The following RBM17 variants were observed in gnomAD, a reference collection of about 807,000 sequenced individuals.
The protein encoded by RBM17 is splicing factor 45.
RBM17 carries 7 observed loss-of-function variants against 53.2 expected under a neutral mutation model. The observed-to-expected ratio is 0.13, with a 90% CI of 0.07 to 0.25. The LOEUF (loss-of-function observed/expected upper bound fraction) is 0.25, where lower values mean the gene tolerates loss of function less well. Among genes scored for constraint, RBM17 ranks in the 10% least tolerant of loss-of-function variants. The pLI, the probability that RBM17 is intolerant of heterozygous loss-of-function variation, is 1.00. For missense variants in RBM17, 257 were observed against 496.7 expected, an observed-to-expected ratio of 0.52 and a Z score of 4.59; for synonymous variants, 167 against 178.1, an observed-to-expected ratio of 0.94 and a Z score of 0.50.
At position 6,093,364 on chromosome 10, in the gene RBM17, C is replaced by T. The variant is rs977191614; in HGVS notation, c.-18-3684C>T. On this transcript the variant is annotated intron_variant, in intron 1 of 11. Transcript: ENST00000379888. Reference sequence around the variant, plus strand: ...GTCTCAGCTGGGACAGGACTACAGGCGTGCAGCACCACACCTGGCTAGTTT... The same window carrying T: ...GTCTCAGCTGGGACAGGACTACAGGTGTGCAGCACCACACCTGGCTAGTTT... Among the ~76,000 whole-genome samples the T allele has an allele frequency of 5.3e-5, 8 of 152,110 alleles. No homozygotes were observed. The East Asian group carries it at 1.2e-3, about 22-fold the overall frequency.
chr10:6,098,556 G>GTTTTTTTTTTTTTTTT lies in RBM17; in HGVS notation c.123+1374_123+1375insTTTTTTTTTTTTTTTT, dbSNP rs1221504658. Among the ~76,000 whole-genome samples, 19 of 87,976 alleles carry GTTTTTTTTTTTTTTTT rather than the reference G, an allele frequency of 2.2e-4. 5 individuals are homozygous for GTTTTTTTTTTTTTTTT. Among genetic ancestry groups the GTTTTTTTTTTTTTTTT allele is most frequent in the African/African-American group, 2.8e-4 (7 of 24,768 alleles). 57.7% of individuals were successfully genotyped at this position (87,976 alleles called of 152,430 possible). On this transcript the variant is annotated intron_variant, in intron 2 of 11. Transcript: ENST00000379888. ...GTTTGAAAATTTCCGTAATACACAGGTTTTTTGTTTTTTTTTTTTTTTTTT... is the reference window on the plus strand; with the variant it reads ...GTTTGAAAATTTCCGTAATACACAGGTTTTTTTTTTTTTTTTTTTTTTGTTTTTTTTTTTTTTTTTT...
intron 5 of RBM17, chr10:6,106,451 A>T (rs1840749386): frequency 2.2e-6 from 1 of 459,304 alleles, no homozygotes; most frequent in Non-Finnish European, 4.0e-6. Context: ...ACCACTTTCT[A>T]ACATTTATTT....
At chr10:6,105,677 A>G (rs777798205) in intron 4 of RBM17, among the ~76,000 whole-genome samples, 1 of 152,194 alleles carries the variant, frequency 6.6e-6, no homozygotes, top group Non-Finnish European at 1.5e-5. Context: ...TGCAGCTTTT[A>G]TTTATGTTTT....
chr10:6,108,829 C>A, intron 6 of RBM17, 87 bp downstream of exon 6: 1 of 1,065,532 alleles, frequency 9.4e-7, no homozygotes, highest in Non-Finnish European at 1.4e-6. Context: ...CCCAGGTTTC[C>A]TGAGCGTAGA....
intron 2 of RBM17, among the ~76,000 whole-genome samples, chr10:6,098,919 C>A (rs548744031): frequency 6.6e-6 from 1 of 151,880 alleles, no homozygotes; most frequent in African/African-American, 2.4e-5. Context: ...TAGATACTTA[C>A]ATGGAAGTGC....
At position 6,105,063 on chromosome 10, in the gene RBM17, C is replaced by A. The variant is rs1386849054; in HGVS notation, c.373C>A (p.Leu125Met). ...AGAGGAACGACAGAGACAGCGGGAG[C>A]TGGAAAGACAAAAGGAAATAGAAGA... ...QREERQRQRE[L>M]ERQKEIEERE... Residue 125 changes from leucine (L) to methionine (M), a missense_variant, in exon 4 of 12, where the codon CTG (leucine) becomes ATG (methionine). By Grantham distance (15) the Leu-to-Met change is conservative. Transcript: ENST00000379888. 1 of 1,613,646 alleles carries A rather than the reference C, an allele frequency of 6.2e-7. No homozygotes were observed. Among genetic ancestry groups the A allele is most frequent in the Admixed American group, 1.7e-5 (1 of 59,990 alleles).
chr10:6,099,629 C>A (rs1184063962), intron 2 of RBM17, among the ~76,000 whole-genome samples: 2 of 151,900 alleles, frequency 1.3e-5, no homozygotes, highest in Admixed American at 1.3e-4. Flanking sequence ...AGTTGTTATA[C>A]CGTATTGGTT....
chr10:6,094,619 T>G (rs1256068603), intron 1 of RBM17, among the ~76,000 whole-genome samples: 1 of 152,220 alleles, frequency 6.6e-6, no homozygotes, highest in African/African-American at 2.4e-5. Flanking sequence ...TCTGAAGAAA[T>G]GTGTTTGGGA....
intron 1 of RBM17, among the ~76,000 whole-genome samples, chr10:6,092,904 G>C (rs4747865): frequency 0.25 from 38,376 of 152,170 alleles, 6,103 homozygotes; most frequent in Middle Eastern, 0.37. Context: ...GATGATTTCT[G>C]AAACTTTTGC....
rs1212328706 is a variant in RBM17, at chr10:6,112,202, C to T, written c.705-8C>T. On this transcript the variant is annotated splice_region_variant and splice_polypyrimidine_tract_variant and intron_variant, in intron 7 of 11. Coordinates refer to ENST00000379888, the MANE Select transcript of RBM17 (RefSeq NM_032905.5). The surrounding 1 kb of genome is among the most constrained non-coding windows in gnomAD (Gnocchi z 4.4). ...GGCTAAGAGTCCTTTCCCTTCTTCT[C>T]CTGCCAGGGGCACGGTGGCGCACAA... is the stretch of plus-strand genomic sequence containing the variant. 4.3e-6 allele frequency: 7 copies of T among 1,610,316 alleles called. No homozygotes were observed. Among genetic ancestry groups the T allele is most frequent in the East Asian group, 4.5e-5 (2 of 44,862 alleles).
intron 7 of RBM17, among the ~76,000 whole-genome samples, chr10:6,111,208 C>G (rs569666789): frequency 6.6e-6 from 1 of 152,222 alleles, no homozygotes; most frequent in Non-Finnish European, 1.5e-5. Context: ...CAGCAGTGGT[C>G]ATGGGGTTGG....
chr10:6,104,717 C>G (rs1259927257), intron 3 of RBM17, among the ~76,000 whole-genome samples: 1 of 152,126 alleles, frequency 6.6e-6, no homozygotes. Context: ...AGAAATAGTA[C>G]TAATCTAAGA....
intron 5 of RBM17, among the ~76,000 whole-genome samples, chr10:6,107,121 T>TA (rs1313862168): frequency 2.0e-5 from 3 of 152,244 alleles, no homozygotes; most frequent in Non-Finnish European, 4.4e-5. Flanking sequence ...CCAGTCCTGT[T>TA]AATCAAAATG....
Position 6,110,081 on chromosome 10 carries a change from C to G in RBM17, c.658C>G (p.Pro220Ala), listed in dbSNP as rs1183088534. Residue 220 changes from proline (P) to alanine (A), a missense_variant, in exon 7 of 12, where the codon CCG (proline) becomes GCG (alanine). Around this residue, in one of 6 missense-constraint regions of RBM17, gnomAD observed 68 missense variants for 60.0 expected, o/e 1.13. Coordinates refer to ENST00000379888, the MANE Select transcript of RBM17 (RefSeq NM_032905.5). ...PPPVYEEQDR[P>A]RSPTGPSNSF... ...CCCAGTGTACGAGGAACAAGACAGA[C>G]CGAGATCTCCAACCGGACCTAGCAA... 3.7e-6 allele frequency: 6 copies of G among 1,611,416 alleles called. No individual in the cohort carries two copies. The highest frequency in any genetic ancestry group is 1.7e-5 in the Admixed American group (1 of 59,746).
intron 3 of RBM17, among the ~76,000 whole-genome samples, chr10:6,101,827 G>A (rs1312871115): frequency 2.0e-5 from 3 of 152,050 alleles, no homozygotes; most frequent in Non-Finnish European, 4.4e-5. Context: ...CTGGATATAT[G>A]GGTTGTTTCT....
chr10:6,101,191 A>G (rs1840664958), intron 2 of RBM17, 80 bp from the exon 3 acceptor site: 1 of 812,398 alleles, frequency 1.2e-6, no homozygotes, highest in Admixed American at 3.1e-5. Context: ...TGCAGGGACC[A>G]GAAAGAAAAT....
intron 6 of RBM17, 82 bp from the exon 7 acceptor site, chr10:6,109,904 C>A: frequency 8.5e-7 from 1 of 1,177,618 alleles, no homozygotes; most frequent in South Asian, 2.2e-5. Context: ...TAAATTTGTT[C>A]AAGATAAATA....
intron 3 of RBM17, among the ~76,000 whole-genome samples, chr10:6,101,997 T>G (rs1840676328): frequency 6.6e-6 from 1 of 151,358 alleles, no homozygotes; most frequent in Non-Finnish European, 1.5e-5. Context: ...ATAAATTGGG[T>G]TATTGAGGAT....
chr10:6,110,198 G>A, intron 7 of RBM17, 71 bp downstream of exon 7: 3 of 1,404,876 alleles, frequency 2.1e-6, no homozygotes, highest in Non-Finnish European at 2.9e-6. Context: ...TTCAATAGAT[G>A]CAGCTTGTTT....
Sources: gnomAD v4.1 joint callset for allele counts (sites outside exome capture counted in the v4.1 genomes callset) on GRCh38, gnomAD v4.1.1 for gene constraint, gnomAD v4.1.1 regional missense constraint, Gnocchi (gnomAD v3.1) non-coding constraint, MANE v1.5 for transcripts, NCBI Gene and HGNC (gene_info 2026-07-23, HGNC 2026-07-21) for gene names.